FILIP1: variants seen among roughly 807,000 people sequenced by gnomAD.
The protein encoded by FILIP1 is filamin-A-interacting protein 1.
Under a neutral mutation model 102.1 loss-of-function variants are expected in FILIP1, and 61 were observed. The ratio of observed to expected loss-of-function variants is 0.60; its 90% confidence interval spans 0.49 to 0.74. The LOEUF is 0.74. Among genes scored for constraint, FILIP1 ranks in the 30% least tolerant of loss-of-function variants. FILIP1 has a pLI of 0.00. For missense variants in FILIP1, 1,314 were observed against 1,441.2 expected (o/e 0.91, Z 1.43); for synonymous variants, 491 against 526.9 (o/e 0.93, Z 0.93).
intron 2 of FILIP1, among the ~76,000 whole-genome samples, chr6:75,405,855 G>T (rs1283423031): frequency 6.6e-6 from 1 of 152,212 alleles, no homozygotes; most frequent in Non-Finnish European, 1.5e-5. Flanking sequence ...GAATGAGACA[G>T]GGTGGAGCAG....
chr6:75,362,111 T>C (rs1775189296), intron 3 of FILIP1: 1 of 152,248 alleles, frequency 6.6e-6, no homozygotes, highest in African/African-American at 2.4e-5. Context: ...GAAGGGTCAA[T>C]GTGAAAAACT....
Position 75,319,831 on chromosome 6 carries a change from CA to C in FILIP1, c.630-4630del, listed in dbSNP as rs71002732. 8.9e-3 allele frequency: 3,071 copies of C among 343,738 alleles called. 6 individuals carry two copies. Among genetic ancestry groups the C allele is most frequent in the Non-Finnish European group, 0.011 (2,106 of 188,092 alleles). The allele number at this position is 343,738 out of a possible 1,614,324, so 21.3% of individuals were successfully genotyped here. On this transcript the variant is annotated intron_variant, in intron 4 of 5. Transcript: ENST00000237172. The stretch of plus-strand genomic sequence containing the variant: ...GGCAACAGAGCAAGACTCCGTCCCC[CA>C]AAAAAAAAAAGAAAAGAAAAGAAAA...
At chr6:75,379,876 G>A (rs559042108) in intron 2 of FILIP1, among the ~76,000 whole-genome samples, 14 of 152,178 alleles carry the variant, frequency 9.2e-5, no homozygotes, top group African/African-American at 3.4e-4. Context: ...GGCTTTTCTT[G>A]TCTTTATTTG....
intron 4 of FILIP1, among the ~76,000 whole-genome samples, chr6:75,337,314 C>G (rs1774274932): frequency 6.6e-6 from 1 of 152,112 alleles, no homozygotes; most frequent in Admixed American, 6.6e-5. Flanking sequence ...TCCTATTATC[C>G]TTTAAGCATC....
intron 1 of FILIP1, among the ~76,000 whole-genome samples, chr6:75,438,233 A>G (rs1778089410): frequency 6.6e-6 from 1 of 152,232 alleles, no homozygotes; most frequent in South Asian, 2.1e-4. Flanking sequence ...TGAAGCAATA[A>G]AAGACATAGT....
intron 4 of FILIP1, among the ~76,000 whole-genome samples, chr6:75,315,887 C>T (rs4708179): frequency 0.59 from 89,554 of 152,032 alleles, 26,489 homozygotes; most frequent in South Asian, 0.69. Context: ...ATTTTAAACC[C>T]TTGACGTAAA....
intron 4 of FILIP1, among the ~76,000 whole-genome samples, chr6:75,339,861 T>C (rs1371388349): frequency 6.6e-6 from 1 of 152,042 alleles, no homozygotes; most frequent in African/African-American, 2.4e-5. Context: ...GGCAGGAGAA[T>C]CGCTTGAACC....
chr6:75,449,753 C>T (rs1283081760), intron 1 of FILIP1, among the ~76,000 whole-genome samples: 3 of 152,018 alleles, frequency 2.0e-5, no homozygotes, highest in Non-Finnish European at 4.4e-5. Flanking sequence ...ACATTTACTC[C>T]CAGCTTAACT....
chr6:75,486,781 T>C (rs1332342478), intron 1 of FILIP1, among the ~76,000 whole-genome samples: 1 of 152,152 alleles, frequency 6.6e-6, no homozygotes, highest in Non-Finnish European at 1.5e-5. Flanking sequence ...CTTGGCACAA[T>C]TCCTGGCACA....
chr6:75,420,351 C>A (rs1224894132), intron 1 of FILIP1, among the ~76,000 whole-genome samples: 2 of 150,590 alleles, frequency 1.3e-5, no homozygotes, highest in East Asian at 3.9e-4. Context: ...AATAAGAAAT[C>A]TTTTAAAATT....
intron 3 of FILIP1, among the ~76,000 whole-genome samples, chr6:75,360,214 T>A (rs1304380217): frequency 1.3e-5 from 2 of 152,200 alleles, no homozygotes; most frequent in Non-Finnish European, 2.9e-5. Flanking sequence ...CAGTATCTGG[T>A]AGGAGTAACA....
At chr6:75,298,064 T>C (rs1172518655) in intron 6 of FILIP1, among the ~76,000 whole-genome samples, 1 of 152,112 alleles carries the variant, frequency 6.6e-6, no homozygotes, top group African/African-American at 2.4e-5. Context: ...TTTGCACAAC[T>C]TAGAGTTGCC....
chr6:75,302,011 T>C (rs373085994), intron 6 of FILIP1, among the ~76,000 whole-genome samples: 25 of 152,134 alleles, frequency 1.6e-4, no homozygotes, highest in African/African-American at 5.6e-4. Flanking sequence ...TGAAACTTTC[T>C]CATTCTTGAA....
intron 4 of FILIP1, among the ~76,000 whole-genome samples, chr6:75,341,416 C>T (rs1277141240): frequency 6.6e-6 from 1 of 152,002 alleles, no homozygotes; most frequent in Non-Finnish European, 1.5e-5. Flanking sequence ...CCTCAGACTC[C>T]CAAAGTGCTG....
chr6:75,319,957 C>G (rs1773592239), intron 4 of FILIP1: 2 of 410,676 alleles, frequency 4.9e-6, no homozygotes, highest in Non-Finnish European at 8.7e-6. Flanking sequence ...TGCCTCTCAG[C>G]TTCTTAGGAT....
At chr6:75,486,168 G>A (rs1281587801) in intron 1 of FILIP1, among the ~76,000 whole-genome samples, 1 of 152,126 alleles carries the variant, frequency 6.6e-6, no homozygotes, top group East Asian at 1.9e-4. Flanking sequence ...TATAAGGTGG[G>A]GCTCTGAGTT....
In FILIP1 at chr6:75,315,240, T is replaced by C; in HGVS notation, c.630-38A>G. Reference sequence around the variant, plus strand: ...ATATACCTATATGTTAAAAGAGTAATCAGCAAACAGATTTAAGCATTGATA... The same window carrying C: ...ATATACCTATATGTTAAAAGAGTAACCAGCAAACAGATTTAAGCATTGATA... On this transcript the variant is annotated intron_variant, in intron 4 of 5. Transcript: ENST00000237172. 3 of 1,340,500 alleles carry C rather than the reference T, an allele frequency of 2.2e-6. No individual in the cohort carries two copies. The African/African-American group carries it at 4.5e-5, about 20-fold the overall frequency. 83.0% of individuals were successfully genotyped at this position (1,340,500 alleles called of 1,614,324 possible).
chr6:75,474,094 C>T (rs562127507), intron 1 of FILIP1, among the ~76,000 whole-genome samples: 2 of 152,244 alleles, frequency 1.3e-5, no homozygotes, highest in Middle Eastern at 6.8e-3. Flanking sequence ...AATTTAAAAT[C>T]ACACATTTAT....
At chr6:75,461,446 T>C (rs1019024357) in intron 1 of FILIP1, among the ~76,000 whole-genome samples, 1 of 152,224 alleles carries the variant, frequency 6.6e-6, no homozygotes, top group South Asian at 2.1e-4. Context: ...TATATATTTT[T>C]AATGTGGTCA....
Sources: gnomAD v4.1 joint callset for allele counts (sites outside exome capture counted in the v4.1 genomes callset) on GRCh38, gnomAD v4.1.1 for gene constraint, MANE v1.5 for transcripts, NCBI Gene and HGNC (gene_info 2026-07-23, HGNC 2026-07-21) for gene names.